Variants in PPFIBP2 observed in about 807,000 individuals in gnomAD.
PPFIBP2 encodes the protein liprin-beta-2.
A neutral mutation model predicts 118.3 loss-of-function variants in PPFIBP2; 118 were observed. That is an observed-to-expected ratio of 1.00 (90% CI 0.86 to 1.16). The LOEUF is 1.16. PPFIBP2 is among the 50% of genes most tolerant of loss of function. PPFIBP2 has a pLI of 0.00. For synonymous variants in PPFIBP2, 414 were observed against 397.4 expected, an observed-to-expected ratio of 1.04 and a Z score of -0.50; for missense variants, 1,195 against 1,073.1, an observed-to-expected ratio of 1.11 and a Z score of -1.59.
chr11:7,641,426 G>A (rs1206222478), intron 15 of PPFIBP2, 53 bp from the exon 16 acceptor site: 14 of 1,596,608 alleles, frequency 8.8e-6, no homozygotes, highest in Admixed American at 1.7e-5. Context: ...GGGAAGAAGG[G>A]TTCCAGGGGT....
At chr11:7,565,900 A>G in intron 3 of PPFIBP2, 133 bp downstream of exon 3, 3 of 978,456 alleles carry the variant, frequency 3.1e-6, no homozygotes, top group East Asian at 2.6e-5. Context: ...ACTTTGGCCA[A>G]CGCTGCAGGG....
chr11:7,571,068 G>C (rs1855600698), intron 3 of PPFIBP2, among the ~76,000 whole-genome samples: 1 of 152,186 alleles, frequency 6.6e-6, no homozygotes, highest in African/African-American at 2.4e-5. Flanking sequence ...CAACAGTGGA[G>C]AGGCAAATCT....
chr11:7,549,669 T>C (rs898448627), intron 2 of PPFIBP2, 130 bp downstream of exon 2: 2 of 941,600 alleles, frequency 2.1e-6, no homozygotes, highest in Admixed American at 3.3e-5. Context: ...TTTTCAGTGG[T>C]GTTATTGTGT....
Position 7,642,442 on chromosome 11 carries a change from C to A in PPFIBP2, c.1646+16C>A. 6.2e-7 allele frequency: 1 copy of A among 1,604,928 alleles called. No homozygotes were observed. Among genetic ancestry groups the A allele is most frequent in the Non-Finnish European group, 8.5e-7 (1 of 1,174,686 alleles). On this transcript the variant is annotated intron_variant, in intron 17 of 23. Coordinates refer to ENST00000299492, the MANE Select transcript of PPFIBP2 (RefSeq NM_003621.5). ...GACAGAAAAGGTAAGGCTTGACCCA[C>A]TTTCCTTTGATCTCCCTGCTCTGAA...
intron 17 of PPFIBP2, among the ~76,000 whole-genome samples, chr11:7,647,691 C>G (rs899437247): frequency 9.2e-5 from 14 of 152,208 alleles, no homozygotes; most frequent in Non-Finnish European, 1.8e-4. Context: ...AAGTGGCCAC[C>G]TCACTGAGCT....
chr11:7,557,743 C>G (rs1007004035), intron 2 of PPFIBP2, among the ~76,000 whole-genome samples: 3 of 152,102 alleles, frequency 2.0e-5, no homozygotes, highest in African/African-American at 7.2e-5. Flanking sequence ...TCCTAGCATT[C>G]TAGAGCAGTT....
chr11:7,543,283 G>A (rs956483824), intron 1 of PPFIBP2, among the ~76,000 whole-genome samples: 10 of 152,210 alleles, frequency 6.6e-5, no homozygotes, highest in African/African-American at 2.4e-4. Context: ...TATGGCTTAT[G>A]GGAGGCCTGT....
chr11:7,517,515 G>A (rs1465469003), intron 1 of PPFIBP2, among the ~76,000 whole-genome samples: 1 of 151,940 alleles, frequency 6.6e-6, no homozygotes, highest in African/African-American at 2.4e-5. Flanking sequence ...TGTGGAAGTG[G>A]AGAGTAGTGT....
At chr11:7,617,781 A>T (rs543877096) in intron 6 of PPFIBP2, among the ~76,000 whole-genome samples, 1 of 152,200 alleles carries the variant, frequency 6.6e-6, no homozygotes, top group Non-Finnish European at 1.5e-5. Flanking sequence ...ACAAGTTTTC[A>T]TATGCTGTGA....
At chr11:7,646,747 C>T (rs535020370) in intron 17 of PPFIBP2, among the ~76,000 whole-genome samples, 9 of 152,232 alleles carry the variant, frequency 5.9e-5, no homozygotes, top group Non-Finnish European at 1.2e-4. Flanking sequence ...ATTACTAACA[C>T]CCTGTCTCTA....
At chr11:7,577,492 G>C (rs1057129946) in intron 3 of PPFIBP2, 6 of 447,766 alleles carry the variant, frequency 1.3e-5, no homozygotes, top group Admixed American at 4.7e-5. Flanking sequence ...GTTCTTGAGG[G>C]GGGAGGGGGC....
chr11:7,665,802 G>A, the PPFIBP2 span: 1 of 1,507,266 alleles, frequency 6.6e-7, no homozygotes, highest in Non-Finnish European at 8.9e-7. Flanking sequence ...GCATTGACGA[G>A]GAAGGAGAAC....
chr11:7,579,494 G>A lies in PPFIBP2; in HGVS notation c.280-13638G>A, dbSNP rs377404460. On this transcript the variant is annotated intron_variant, in intron 3 of 23. Coordinates refer to ENST00000299492, the MANE Select transcript of PPFIBP2 (RefSeq NM_003621.5). Reference sequence around the variant, plus strand: ...TACTGAAAGGAAATATGTAAGAAATGCACTGACCATCACTTGGTCCTTCTT... The same window carrying A: ...TACTGAAAGGAAATATGTAAGAAATACACTGACCATCACTTGGTCCTTCTT... 1.6e-4 allele frequency among the ~76,000 whole-genome samples: 25 copies of A among 152,258 alleles called. No individual in the cohort carries two copies. In the South Asian group the frequency reaches 5.0e-3, roughly 30 times the overall value.
At chr11:7,536,018 G>A (rs551281267) in intron 1 of PPFIBP2, among the ~76,000 whole-genome samples, 23 of 152,338 alleles carry the variant, frequency 1.5e-4, no homozygotes, top group African/African-American at 4.3e-4. Flanking sequence ...TAGAGCAAAC[G>A]CTGACTGATG....
At chr11:7,665,677 C>A in the PPFIBP2 span, 1 of 1,174,224 alleles carries the variant, frequency 8.5e-7, no homozygotes, top group Non-Finnish European at 1.2e-6. Context: ...GAAGTCTGTA[C>A]TACTGCTCCC....
At chr11:7,664,679 C>G in the PPFIBP2 span, among the ~76,000 whole-genome samples, 4 of 152,008 alleles carry the variant, frequency 2.6e-5, no homozygotes, top group Non-Finnish European at 5.9e-5. Context: ...CCAAGAAGGG[C>G]CTTGGGAGCC....
chr11:7,585,968 C>T (rs1390766143), intron 3 of PPFIBP2, among the ~76,000 whole-genome samples: 1 of 152,164 alleles, frequency 6.6e-6, no homozygotes. Context: ...TTAGAGTACA[C>T]AATAAAACAC....
intron 1 of PPFIBP2, among the ~76,000 whole-genome samples, chr11:7,526,604 G>A (rs548442440): frequency 6.6e-6 from 1 of 152,288 alleles, no homozygotes; most frequent in East Asian, 1.9e-4. Context: ...GGGTGCGGTG[G>A]CTCACGCCTG....
Position 7,649,554 on chromosome 11 carries a change from T to C in PPFIBP2, c.2021T>C (p.Val674Ala). The change falls in exon 21 of 24, where the codon GTC (valine) becomes GCC (alanine). Residue 674 changes from valine to alanine, a missense_variant. Transcript: ENST00000299492. ...CAGAACGATTTACTCTTCTTAAAAG[T>C]CACCAGCCAACTACATCATCTCAGC... The part of the protein sequence containing the change: ...LTVNDLLFLK[V>A]TSQLHHLSIK... 6.2e-7 allele frequency: 1 copy of C among 1,614,208 alleles called. No homozygotes were observed.
Sources: gnomAD v4.1 joint callset for allele counts (sites outside exome capture counted in the v4.1 genomes callset) on GRCh38, gnomAD v4.1.1 for gene constraint, MANE v1.5 for transcripts, NCBI Gene and HGNC (gene_info 2026-07-23, HGNC 2026-07-21) for gene names.